RORA: variants seen among roughly 807,000 people sequenced by gnomAD.
RORA encodes the protein nuclear receptor ROR-alpha.
RORA carries 7 observed loss-of-function variants against 69.5 expected under a neutral mutation model. The observed-to-expected ratio is 0.10, with a 90% CI of 0.06 to 0.19. The LOEUF (loss-of-function observed/expected upper bound fraction) is 0.19, where lower values mean the gene tolerates loss of function less well. Ranked by LOEUF, RORA falls within the 10% of genes least tolerant of loss-of-function variation. The probability of loss-of-function intolerance (pLI) is 1.00; values close to 1 mark genes in which losing one functional copy is unlikely to be tolerated. For missense variants in RORA, 457 were observed against 663.0 expected (o/e 0.69, Z 3.41); for synonymous variants, 261 against 240.8 (o/e 1.08, Z -0.78).
rs10577286 is a variant in RORA, at chr15:60,671,067, GATATATATATATAT to G, written c.196+7576_196+7589del. On this transcript the variant is annotated intron_variant, in intron 2 of 10. Coordinates refer to ENST00000335670, the MANE Select transcript of RORA (RefSeq NM_134261.3). ...TCTTATATCTCCTATATATCCCATT[GATATATATATATAT>G]ATATATATATATATATCTGTTTCCT... Among the ~76,000 whole-genome samples the G allele has an allele frequency of 1.7e-3, 204 of 122,282 alleles. 10 individuals are homozygous for G. Among genetic ancestry groups the G allele is most frequent in the African/African-American group, 7.5e-3 (185 of 24,612 alleles). The allele number at this position is 122,282 out of a possible 152,430, so 80.2% of individuals were successfully genotyped here.
At chr15:61,036,079 C>A (rs1374599219) in intron 1 of RORA, among the ~76,000 whole-genome samples, 1 of 152,170 alleles carries the variant, frequency 6.6e-6, no homozygotes, top group African/African-American at 2.4e-5. Flanking sequence ...CGAAAGATAA[C>A]TAGGAACAGA....
intron 1 of RORA, among the ~76,000 whole-genome samples, chr15:60,893,540 G>A (rs1891139144): frequency 6.6e-6 from 1 of 152,180 alleles, no homozygotes; most frequent in African/African-American, 2.4e-5. Flanking sequence ...CAAAGCAGCC[G>A]ATATGCAGTT....
chr15:61,227,299 A>G (rs2080155252), intron 1 of RORA, among the ~76,000 whole-genome samples: 1 of 151,290 alleles, frequency 6.6e-6, no homozygotes, highest in Admixed American at 6.6e-5. Flanking sequence ...CTCGCATTCC[A>G]AATCCACCGT....
intron 1 of RORA, among the ~76,000 whole-genome samples, chr15:60,929,340 C>T (rs962529310): frequency 2.6e-5 from 4 of 152,154 alleles, no homozygotes; most frequent in African/African-American, 9.7e-5. Context: ...GCTGCTTTGA[C>T]AAATAAGCTA....
rs112431195 is a variant in RORA at position 61,008,048 on chromosome 15, G to C, written c.166+221005C>G. Among the ~76,000 whole-genome samples the C allele has an allele frequency of 4.7e-3, 712 of 151,676 alleles. 6 individuals carry two copies. Among genetic ancestry groups the C allele is most frequent in the African/African-American group, 0.016 (672 of 41,392 alleles). On this transcript the variant is annotated intron_variant, in intron 1 of 10. Coordinates refer to ENST00000335670, the MANE Select transcript of RORA (RefSeq NM_134261.3). The stretch of plus-strand genomic sequence containing the variant: ...AGATTTCACTAGATACATTTCAAAA[G>C]TGACAAGTTTTATTTTTAAATGTAA...
chr15:60,491,396 T>A lies in RORA; in HGVS notation c.*6059A>T, dbSNP rs1321262411. On this transcript the variant is annotated 3_prime_UTR_variant, in exon 11 of 11. Transcript: ENST00000335670. ...AGTAAAAGAAGTGTGGTACTGCTAA[T>A]GTGGCAAAGTACATTAAATGTAAAC... is the stretch of plus-strand genomic sequence containing the variant. 6.6e-6 allele frequency: 1 copy of A among 152,128 alleles called. No homozygotes were observed. Among genetic ancestry groups the A allele is most frequent in the Non-Finnish European group, 1.5e-5 (1 of 68,000 alleles). The allele number at this position is 152,128 out of a possible 1,614,324, so 9.4% of individuals were successfully genotyped here.
At chr15:60,777,471 T>C (rs1256165083) in intron 1 of RORA, among the ~76,000 whole-genome samples, 1 of 152,224 alleles carries the variant, frequency 6.6e-6, no homozygotes. Context: ...ATATTTAATG[T>C]GTGCTCATTT....
At chr15:60,839,820 G>A (rs2073172429) in intron 1 of RORA, among the ~76,000 whole-genome samples, 1 of 152,176 alleles carries the variant, frequency 6.6e-6, no homozygotes, top group African/African-American at 2.4e-5. Flanking sequence ...CCATGCTTAT[G>A]TATATGTGCA....
At chr15:60,863,724 G>A (rs9302218) in intron 1 of RORA, among the ~76,000 whole-genome samples, 137,789 of 152,170 alleles carry the variant, frequency 0.91, 63,320 homozygotes, top group East Asian at 1. Context: ...TTCAAACTCA[G>A]TCAATACTAG....
At chr15:61,209,251 A>T (rs188313540) in intron 1 of RORA, among the ~76,000 whole-genome samples, 1 of 129,952 alleles carries the variant, frequency 7.7e-6, no homozygotes, top group Admixed American at 8.3e-5. Context: ...AATATGAAGG[A>T]ACTTGTTGTT....
chr15:60,630,794 C>G (rs934766345), intron 2 of RORA, among the ~76,000 whole-genome samples: 1 of 152,090 alleles, frequency 6.6e-6, no homozygotes, highest in East Asian at 1.9e-4. Flanking sequence ...TGTCCAAGCC[C>G]TTCATTTGCA....
At chr15:60,800,301 C>T (rs1379184411) in intron 1 of RORA, among the ~76,000 whole-genome samples, 1 of 152,226 alleles carries the variant, frequency 6.6e-6, no homozygotes, top group Non-Finnish European at 1.5e-5. Context: ...TCCAACACCT[C>T]TCTGGCCCTA....
intron 1 of RORA, among the ~76,000 whole-genome samples, chr15:60,743,585 TA>T (rs1423870042): frequency 6.6e-6 from 1 of 152,176 alleles, no homozygotes; most frequent in African/African-American, 2.4e-5. Context: ...ATAAGTCTTA[TA>T]AAGGCAGAAA....
intron 1 of RORA, among the ~76,000 whole-genome samples, chr15:60,871,451 A>G (rs1244146303): frequency 6.6e-6 from 1 of 152,196 alleles, no homozygotes; most frequent in African/African-American, 2.4e-5. Context: ...GAAGTATTTT[A>G]TGTGCATAAT....
intron 1 of RORA, among the ~76,000 whole-genome samples, chr15:60,733,718 T>TC (rs1163411951): frequency 6.6e-6 from 1 of 151,934 alleles, no homozygotes; most frequent in Non-Finnish European, 1.5e-5. Flanking sequence ...TACAAATCCA[T>TC]CAGAAGGAGG....
chr15:61,012,166 T>C (rs1202539897), intron 1 of RORA, among the ~76,000 whole-genome samples: 1 of 152,216 alleles, frequency 6.6e-6, no homozygotes, highest in Non-Finnish European at 1.5e-5. Flanking sequence ...GAAATGGAAA[T>C]AAAAACATCA....
At chr15:60,981,230 G>C (rs1412638145) in intron 1 of RORA, among the ~76,000 whole-genome samples, 1 of 151,606 alleles carries the variant, frequency 6.6e-6, no homozygotes, top group Non-Finnish European at 1.5e-5. Flanking sequence ...TACTGCTTTT[G>C]AGATTCTCTA....
intron 1 of RORA, among the ~76,000 whole-genome samples, chr15:60,829,777 T>G (rs1265004585): frequency 6.6e-6 from 1 of 152,234 alleles, no homozygotes; most frequent in Non-Finnish European, 1.5e-5. Flanking sequence ...ATCTCTGGCT[T>G]CCGTTCATTG....
At chr15:60,828,776 C>T (rs1427265202) in intron 1 of RORA, among the ~76,000 whole-genome samples, 1 of 152,188 alleles carries the variant, frequency 6.6e-6, no homozygotes, top group East Asian at 1.9e-4. Flanking sequence ...TCCTGATTCC[C>T]ATTGATTTTG....
Sources: gnomAD v4.1 joint callset for allele counts (sites outside exome capture counted in the v4.1 genomes callset) on GRCh38, gnomAD v4.1.1 for gene constraint, MANE v1.5 for transcripts, NCBI Gene and HGNC (gene_info 2026-07-23, HGNC 2026-07-21) for gene names.